DST: variants seen among roughly 807,000 people sequenced by gnomAD.
DST encodes the protein bullous pemphigoid antigen.
Under a neutral mutation model 875.2 loss-of-function variants are expected in DST, and 253 were observed. The observed-to-expected ratio is 0.29, with a 90% CI of 0.26 to 0.32. The LOEUF is 0.32. DST is among the 10% of genes least tolerant of loss of function. DST has a pLI of 1.00. For missense variants in DST, 8,287 were observed against 9,111.6 expected, an observed-to-expected ratio of 0.91 and a Z score of 3.68; for synonymous variants, 3,124 against 3,197.1, an observed-to-expected ratio of 0.98 and a Z score of 0.77.
intron 4 of DST, among the ~76,000 whole-genome samples, chr6:56,761,857 G>T (rs532188876): frequency 2.6e-4 from 39 of 152,218 alleles, no homozygotes; most frequent in African/African-American, 8.2e-4. Context: ...ATTATATATA[G>T]AAACTTGATT....
chr6:56,774,607 T>C (rs180892214), intron 4 of DST, among the ~76,000 whole-genome samples: 3 of 152,194 alleles, frequency 2.0e-5, no homozygotes, highest in African/African-American at 7.2e-5. Context: ...AAATATGCTA[T>C]CTACAAAACT....
Position 56,604,394 on chromosome 6 carries a change from T to C in DST, c.10234A>G (p.Ser3412Gly), listed in dbSNP as rs1477361992. Residue 3412 changes from serine to glycine, a missense_variant, in exon 40 of 104, where the codon AGT becomes GGT. Ser to Gly is a moderately conservative substitution (Grantham distance 56, BLOSUM62 0). This residue lies in a region of DST where 3,138 missense variants were observed against 3,116.6 expected (regional missense o/e 1.01). Coordinates refer to ENST00000680361, the MANE Select transcript of DST (RefSeq NM_001374736.1). ...ASTVPSDSQM[S>G]DSSGVSPMTN... ...ATGGGGGAAACTCCAGAAGAGTCAC[T>C]CATTTGAGAGTCGCTGGGCACAGTA... is the stretch of plus-strand genomic sequence containing the variant. 1 of 1,611,482 alleles carries C rather than the reference T, an allele frequency of 6.2e-7. No homozygotes were observed. The highest frequency in any genetic ancestry group is 1.3e-5 in the African/African-American group (1 of 74,850).
chr6:56,908,694 A>G (rs1260530026), intron 2 of DST, among the ~76,000 whole-genome samples: 1 of 152,180 alleles, frequency 6.6e-6, no homozygotes, highest in African/African-American at 2.4e-5. Flanking sequence ...AGGATGAGAT[A>G]GGAGGTTGGC....
chr6:56,900,717 T>G (rs1793647795), intron 2 of DST, 96 bp from the exon 3 acceptor site: 1 of 939,120 alleles, frequency 1.1e-6, no homozygotes, highest in Non-Finnish European at 1.4e-6. Flanking sequence ...CAAAAGTCAC[T>G]ATATTCAGTG....
chr6:56,812,109 A>AAAAAAAGAAAAG (rs1554158454), intron 4 of DST, among the ~76,000 whole-genome samples: 1 of 111,802 alleles, frequency 8.9e-6, no homozygotes, highest in East Asian at 2.5e-4. Context: ...CTCAAAAAAA[A>AAAAAAAGAAAAG]AAAAGAAAAG....
At chr6:56,587,061 G>A (rs901109889) in intron 49 of DST, among the ~76,000 whole-genome samples, 1 of 152,228 alleles carries the variant, frequency 6.6e-6, no homozygotes, top group African/African-American at 2.4e-5. Flanking sequence ...GCTGGACGGA[G>A]AATGACTTTG....
chr6:56,886,374 T>C (rs1233420176), intron 3 of DST, among the ~76,000 whole-genome samples: 2 of 152,306 alleles, frequency 1.3e-5, no homozygotes, highest in South Asian at 2.1e-4. Context: ...ATCAATAATA[T>C]ATGCCATACC....
At chr6:56,750,523 T>A in intron 4 of DST, among the ~76,000 whole-genome samples, 1 of 152,174 alleles carries the variant, frequency 6.6e-6, no homozygotes, top group East Asian at 1.9e-4. Flanking sequence ...AACTTTCAAA[T>A]TCCACAGTCC....
At chr6:56,524,071 A>G (rs1385355457) in intron 69 of DST, among the ~76,000 whole-genome samples, 1 of 152,146 alleles carries the variant, frequency 6.6e-6, no homozygotes, top group Non-Finnish European at 1.5e-5. Context: ...GGATGTAGTT[A>G]TTGGGTAAAA....
chr6:56,601,257 C>A lies in DST; in HGVS notation c.11541+186G>T, dbSNP rs565051229. ...TTTTGGGAGTCACAAAAATTCAAAT[C>A]AACTAAATTATAGCATCATTAGTGA... On this transcript the variant is annotated intron_variant, in intron 44 of 103. Transcript: ENST00000680361. Among the ~76,000 whole-genome samples the A allele has an allele frequency of 2.0e-5, 3 of 152,108 alleles. No individual in the cohort carries two copies. In the South Asian group the frequency reaches 6.2e-4, roughly 32 times the overall value.
At chr6:56,617,408 T>C (rs754617233) in intron 36 of DST, 6 of 1,612,958 alleles carry the variant, frequency 3.7e-6, no homozygotes, top group Non-Finnish European at 4.2e-6. Flanking sequence ...ATACTGCTTG[T>C]TCTTAGCTAT....
At chr6:56,885,998 G>T (rs957060774) in intron 3 of DST, among the ~76,000 whole-genome samples, 2 of 152,124 alleles carry the variant, frequency 1.3e-5, no homozygotes, top group African/African-American at 4.8e-5. Flanking sequence ...AATTGAATAG[G>T]GTGTGTGGAG....
At chr6:56,497,674 G>GT (rs982563727) in intron 81 of DST, 167 bp from the exon 82 acceptor site, 2 of 964,930 alleles carry the variant, frequency 2.1e-6, no homozygotes, top group African/African-American at 3.3e-5. Flanking sequence ...GTAGATAAGA[G>GT]TATTATGCTA....
intron 73 of DST, among the ~76,000 whole-genome samples, chr6:56,510,995 A>T (rs1030828261): frequency 6.6e-6 from 1 of 152,192 alleles, no homozygotes; most frequent in African/African-American, 2.4e-5. Context: ...TTTGTATTAT[A>T]TCTATAAGCA....
chr6:56,732,344 G>A (rs1487217427), intron 5 of DST, among the ~76,000 whole-genome samples: 6 of 151,928 alleles, frequency 3.9e-5, no homozygotes, highest in Non-Finnish European at 5.9e-5. Context: ...TTCAAGTATC[G>A]CTAATTTTGG....
chr6:56,829,942 G>A (rs1308353361), intron 4 of DST, among the ~76,000 whole-genome samples: 1 of 152,106 alleles, frequency 6.6e-6, no homozygotes, highest in Non-Finnish European at 1.5e-5. Context: ...AGTACTAGTA[G>A]TTGCTTCCTT....
chr6:56,896,272 T>C (rs1173237194), intron 3 of DST, among the ~76,000 whole-genome samples: 1 of 152,140 alleles, frequency 6.6e-6, no homozygotes, highest in Non-Finnish European at 1.5e-5. Flanking sequence ...TGTTGTGGGA[T>C]GGACCCAGTG....
At chr6:56,726,885 G>C (rs1462857916) in intron 5 of DST, among the ~76,000 whole-genome samples, 1 of 152,184 alleles carries the variant, frequency 6.6e-6, no homozygotes, top group Non-Finnish European at 1.5e-5. Flanking sequence ...TATGCTAGAG[G>C]CCGCAGATGC....
intron 98 of DST, 90 bp downstream of exon 98, chr6:56,468,892 A>C: frequency 9.5e-7 from 1 of 1,053,228 alleles, no homozygotes; most frequent in Non-Finnish European, 1.4e-6. Context: ...ACAGCATGGG[A>C]AAGATTGGCC....
Sources: allele counts gnomAD v4.1 joint callset (sites outside exome capture counted in the v4.1 genomes callset), GRCh38; gene constraint gnomAD v4.1.1; regional missense constraint gnomAD v4.1.1; transcripts MANE v1.5; gene names NCBI Gene and HGNC (gene_info 2026-07-23, HGNC 2026-07-21).